The following NPIPB11 variants were observed in gnomAD, a reference collection of about 807,000 sequenced individuals.
NPIPB11 encodes nuclear pore complex-interacting protein family member B11.
NPIPB11 carries 17 observed loss-of-function variants against 32.8 expected under a neutral mutation model. That is an observed-to-expected ratio of 0.52 (90% CI 0.35 to 0.78). NPIPB11 has a LOEUF of 0.78. Ranked by LOEUF, NPIPB11 falls within the 30% of genes least tolerant of loss-of-function variation. The pLI, the probability that NPIPB11 is intolerant of heterozygous loss-of-function variation, is 0.01. For synonymous variants in NPIPB11, 209 were observed against 398.4 expected, an observed-to-expected ratio of 0.52 and a Z score of 5.66; for missense variants, 537 against 1,000.4, an observed-to-expected ratio of 0.54 and a Z score of 6.25.
At chr16:29,405,437 T>C (rs1346043990), upstream of NPIPB11, among the ~76,000 whole-genome samples, 2 of 152,128 alleles carry the variant, frequency 1.3e-5, no homozygotes, top group African/African-American at 4.8e-5. Context: ...CACATTCTTA[T>C]ACGATAATGA....
intron 2 of NPIPB11, among the ~76,000 whole-genome samples, chr16:29,397,403 G>T (rs1963883767): frequency 6.6e-6 from 1 of 151,148 alleles, no homozygotes; most frequent in African/African-American, 2.4e-5. Flanking sequence ...TAGAGATGGG[G>T]TTTCGCCATG....
intron 5 of NPIPB11, among the ~76,000 whole-genome samples, chr16:29,389,481 C>T (rs1320071686): frequency 1.2e-4 from 17 of 147,524 alleles, no homozygotes; most frequent in Non-Finnish European, 1.9e-4. Flanking sequence ...CGAGACCAGC[C>T]TGGACAACAT....
exon 4 of NPIPB11, chr16:29,390,256 T>C (rs1368821178): frequency 6.3e-7 from 1 of 1,588,952 alleles, no homozygotes; most frequent in East Asian, 2.2e-5. Context: ...TACCTTCCTG[T>C]CTACGGCGGT....
upstream of NPIPB11, among the ~76,000 whole-genome samples, chr16:29,404,760 G>A (rs1253131574): frequency 6.7e-6 from 1 of 149,094 alleles, no homozygotes; most frequent in Non-Finnish European, 1.5e-5. Flanking sequence ...ACACAGCTGG[G>A]TGATGCCAGG....
rs1453611730 is a variant in NPIPB11, at chr16:29,389,827, A to G, written c.545+114T>C. ...AGCAGAAAGGACAAACTCAATTTTG[A>G]ACCTACTGAATTTGCCACAAATATT... On this transcript the variant is annotated intron_variant, in intron 5 of 7. Coordinates refer to ENST00000524087, the Ensembl canonical transcript of NPIPB11. 3.2e-5 allele frequency: 50 copies of G among 1,557,968 alleles called. 2 individuals carry two copies. Among genetic ancestry groups the G allele is most frequent in the Non-Finnish European group, 4.1e-5 (48 of 1,158,158 alleles).
intron 2 of NPIPB11, among the ~76,000 whole-genome samples, chr16:29,397,119 C>A (rs934177569): frequency 6.7e-6 from 1 of 148,664 alleles, no homozygotes; most frequent in Admixed American, 6.7e-5. Flanking sequence ...TGCAGTGAGC[C>A]GAGATCTTGC....
chr16:29,400,023 G>A (rs1963951961), intron 2 of NPIPB11, among the ~76,000 whole-genome samples: 1 of 152,088 alleles, frequency 6.6e-6, no homozygotes, highest in South Asian at 2.1e-4. Context: ...GTTGCAGTGA[G>A]CCGAGATCGT....
chr16:29,382,316 T>C (rs844448), exon 8 of NPIPB11: 2 of 1,574,108 alleles, frequency 1.3e-6, no homozygotes, highest in African/African-American at 1.6e-5. Context: ...GTCTTGATAT[T>C]ATCATCTGCT....
intron 2 of NPIPB11, among the ~76,000 whole-genome samples, chr16:29,403,071 G>A (rs1964035015): frequency 6.7e-6 from 1 of 148,568 alleles, no homozygotes; most frequent in Non-Finnish European, 1.5e-5. Flanking sequence ...TTCAAATTTT[G>A]CAGGATAATT....
At chr16:29,397,638 C>G (rs552382570) in intron 2 of NPIPB11, 4 of 1,444,956 alleles carry the variant, frequency 2.8e-6, no homozygotes, top group Middle Eastern at 2.4e-4. Context: ...CCACCGCCCC[C>G]GCATGTCCTG....
intron 2 of NPIPB11, chr16:29,397,836 C>A: frequency 5.2e-6 from 1 of 191,030 alleles, no homozygotes; most frequent in Non-Finnish European, 8.6e-6. Flanking sequence ...GGCTGTTGGG[C>A]ACCTGGAGGA....
chr16:29,393,762 G>A (rs990767596), intron 3 of NPIPB11, among the ~76,000 whole-genome samples, 186 bp downstream of exon 3: 8 of 152,150 alleles, frequency 5.3e-5, no homozygotes, highest in Admixed American at 2.6e-4. Flanking sequence ...AACAAACAGT[G>A]ACCTATTTAA....
chr16:29,393,295 G>A (rs1188117244), intron 3 of NPIPB11, among the ~76,000 whole-genome samples: 4 of 151,458 alleles, frequency 2.6e-5, no homozygotes, highest in South Asian at 2.1e-4. Context: ...TTCACCTTCC[G>A]GCAGTTTGTC....
chr16:29,404,787 C>G (rs1224398670), upstream of NPIPB11, among the ~76,000 whole-genome samples: 1 of 146,386 alleles, frequency 6.8e-6, no homozygotes, highest in East Asian at 2.0e-4. Flanking sequence ...GTCACCTGTG[C>G]CAGCCCTGTG....
At chr16:29,400,782 G>A (rs1217243824) in intron 2 of NPIPB11, among the ~76,000 whole-genome samples, 1 of 152,086 alleles carries the variant, frequency 6.6e-6, no homozygotes, top group African/African-American at 2.4e-5. Flanking sequence ...GGGATGCTGA[G>A]TTATCCACTG....
intron 5 of NPIPB11, among the ~76,000 whole-genome samples, chr16:29,389,180 G>A (rs1470131497): frequency 1.5e-5 from 2 of 136,428 alleles, no homozygotes; most frequent in Non-Finnish European, 3.1e-5. Flanking sequence ...GGGTGACAGA[G>A]TGAGACTCTG....
intron 5 of NPIPB11, among the ~76,000 whole-genome samples, chr16:29,387,513 C>T (rs1182858842): frequency 6.0e-4 from 88 of 145,560 alleles, no homozygotes; most frequent in African/African-American, 2.2e-3. Flanking sequence ...CTGCACTTTG[C>T]CATGATTCAG....
At chr16:29,383,198 A>G in exon 8 of NPIPB11, 1 of 1,565,978 alleles carries the variant, frequency 6.4e-7, no homozygotes, top group Non-Finnish European at 8.7e-7. Flanking sequence ...TCTTGATATT[A>G]TCATCTGCTG....
At chr16:29,394,307 GTA>G (rs1963796094) in intron 2 of NPIPB11, among the ~76,000 whole-genome samples, 1 of 151,820 alleles carries the variant, frequency 6.6e-6, no homozygotes, top group Non-Finnish European at 1.5e-5. Flanking sequence ...GTCTTTCTTG[GTA>G]TAAAGCAGGG....
Sources: gnomAD v4.1 joint callset for allele counts (sites outside exome capture counted in the v4.1 genomes callset) on GRCh38, gnomAD v4.1.1 for gene constraint, MANE v1.5 for transcripts, NCBI Gene and HGNC (gene_info 2026-07-23, HGNC 2026-07-21) for gene names.